Variants in CREB5 observed in about 807,000 individuals in gnomAD.
The protein encoded by CREB5 is cAMP responsive element binding protein 5, also known as cyclic AMP-responsive element-binding protein 5.
CREB5 carries 19 observed loss-of-function variants against 57.1 expected under a neutral mutation model. That is an observed-to-expected ratio of 0.33 (90% CI 0.23 to 0.49). The LOEUF (loss-of-function observed/expected upper bound fraction) is 0.49, where lower values mean the gene tolerates loss of function less well. CREB5 is among the 20% of genes least tolerant of loss of function. The pLI is 0.99. For missense variants in CREB5, 579 were observed against 671.6 expected, an observed-to-expected ratio of 0.86 and a Z score of 1.52; for synonymous variants, 238 against 238.3, an observed-to-expected ratio of 1.00 and a Z score of 0.01.
chr7:28,560,961 CGTGT>C (rs1255407006), intron 4 of CREB5, among the ~76,000 whole-genome samples: 1,863 of 23,808 alleles, frequency 0.078, 378 homozygotes, highest in African/African-American at 0.22. Context: ...CGTGTGTGTG[CGTGT>C]GTGTGTGCGT....
At chr7:28,579,980 G>GT (rs1190217013) in intron 5 of CREB5, among the ~76,000 whole-genome samples, 5 of 152,128 alleles carry the variant, frequency 3.3e-5, no homozygotes, top group Non-Finnish European at 5.9e-5. Context: ...GAGATAAGCA[G>GT]TAAGGTACTA....
intron 7 of CREB5, among the ~76,000 whole-genome samples, chr7:28,730,684 G>A (rs1803567795): frequency 6.6e-6 from 1 of 152,132 alleles, no homozygotes; most frequent in Non-Finnish European, 1.5e-5. Flanking sequence ...TTTACAAATT[G>A]CAAACTGCTT....
chr7:28,407,096 T>C (rs371393779), intron 1 of CREB5, among the ~76,000 whole-genome samples: 10 of 152,040 alleles, frequency 6.6e-5, no homozygotes, highest in African/African-American at 9.7e-5. Context: ...GTCACCCAGG[T>C]TGGAGTGCAA....
chr7:28,448,513 C>T (rs1030344046), intron 1 of CREB5, among the ~76,000 whole-genome samples: 1 of 152,166 alleles, frequency 6.6e-6, no homozygotes, highest in African/African-American at 2.4e-5. Context: ...GCCCAGGAAC[C>T]TTTAGTGTTA....
intron 1 of CREB5, among the ~76,000 whole-genome samples, chr7:28,316,283 C>T (rs936740759): frequency 6.6e-6 from 1 of 152,074 alleles, no homozygotes; most frequent in Non-Finnish European, 1.5e-5. Flanking sequence ...TTTCAGACAT[C>T]TGCCTGGAGC....
intron 4 of CREB5, among the ~76,000 whole-genome samples, chr7:28,560,855 T>TGCGTGCGCGCGCGTGC (rs1554344299): frequency 1.8e-5 from 1 of 56,388 alleles, no homozygotes; most frequent in Non-Finnish European, 3.5e-5. Flanking sequence ...CGCGTGTGTG[T>TGCGTGCGCGCGCGTGC]GTGCGTGTGC....
chr7:28,300,326 G>A (rs41527549), intron 1 of CREB5, among the ~76,000 whole-genome samples: 10,127 of 152,178 alleles, frequency 0.067, 472 homozygotes, highest in Middle Eastern at 0.11. Flanking sequence ...CAACATTCAG[G>A]AGTTTTGATT....
At chr7:28,781,980 G>A (rs1807010091) in intron 7 of CREB5, among the ~76,000 whole-genome samples, 2 of 131,954 alleles carry the variant, frequency 1.5e-5, no homozygotes, top group African/African-American at 5.8e-5. Flanking sequence ...TGCACAGGTT[G>A]GTCTCAAACT....
At chr7:28,394,839 G>T (rs1361639007) in intron 1 of CREB5, among the ~76,000 whole-genome samples, 2 of 151,964 alleles carry the variant, frequency 1.3e-5, no homozygotes, top group Admixed American at 1.3e-4. Context: ...TCTAACCATT[G>T]CATTTTATTG....
At chr7:28,505,046 C>T (rs550126445) in intron 3 of CREB5, among the ~76,000 whole-genome samples, 2 of 152,276 alleles carry the variant, frequency 1.3e-5, no homozygotes, top group Admixed American at 6.5e-5. Flanking sequence ...TTAGGAATTA[C>T]CCCATCAGTC....
At chr7:28,409,969 C>A (rs1367471068), upstream of CREB5, 2 of 454,876 alleles carry the variant, frequency 4.4e-6, no homozygotes, top group Admixed American at 2.4e-5. This position sits in a 1 kb window ranked among gnomAD's most constrained non-coding sequence, Gnocchi z 4.4. Context: ...GGAACCTCCC[C>A]CCGCGTCCCC....
At chr7:28,372,146 C>T (rs577914656) in intron 1 of CREB5, among the ~76,000 whole-genome samples, 181 of 152,244 alleles carry the variant, frequency 1.2e-3, no homozygotes, top group Non-Finnish European at 1.8e-3. Flanking sequence ...TTAATTCTCA[C>T]GGCAACTCTC....
rs1554344374 is a variant in CREB5, at chr7:28,560,881, T to TGTGTGTGTGCGCGTGTGCGTGCGTGC, written c.292-9483_292-9482insTGTGTGTGCGCGTGTGCGTGCGTGCG. On this transcript the variant is annotated intron_variant, in intron 4 of 10. Coordinates refer to ENST00000357727, the MANE Select transcript of CREB5 (RefSeq NM_182898.4). Reference sequence around the variant, plus strand: ...GTGCGTGTGCCTGCGTGCGCGTGCGTGCGTGCGTGTGTGTGCGTGCGCGCG... The same window carrying TGTGTGTGTGCGCGTGTGCGTGCGTGC: ...GTGCGTGTGCCTGCGTGCGCGTGCGTGTGTGTGTGCGCGTGTGCGTGCGTGCGCGTGCGTGTGTGTGCGTGCGCGCG... Among the ~76,000 whole-genome samples the TGTGTGTGTGCGCGTGTGCGTGCGTGC allele has an allele frequency of 4.3e-4, 20 of 46,238 alleles. 1 individual carries two copies. Among genetic ancestry groups the TGTGTGTGTGCGCGTGTGCGTGCGTGC allele is most frequent in the African/African-American group, 6.4e-4 (6 of 9,362 alleles). 30.3% of individuals were successfully genotyped at this position (46,238 alleles called of 152,430 possible). A position where few individuals can be genotyped will look rare whatever the true frequency, so the allele number is the denominator to read the frequency against.
chr7:28,741,260 A>T (rs1415098638), intron 7 of CREB5, among the ~76,000 whole-genome samples: 1 of 152,168 alleles, frequency 6.6e-6, no homozygotes, highest in Non-Finnish European at 1.5e-5. Context: ...AATGTCAGAG[A>T]TGGTTACTTT....
At chr7:28,537,982 GA>G (rs1318950534) in intron 4 of CREB5, among the ~76,000 whole-genome samples, 4 of 152,130 alleles carry the variant, frequency 2.6e-5, no homozygotes, top group African/African-American at 7.2e-5. Flanking sequence ...AACACTGGGG[GA>G]AAAAATCTGT....
At position 28,314,756 on chromosome 7, in the gene CREB5, C is replaced by T. The variant is rs368282559; in HGVS notation, c.-25+15315C>T. ...GGTCCCCAGTGTCTCTTTACTGAGACGCTTTACTGAGACAGTTCTTCCCCA... is the reference window on the plus strand; with the variant it reads ...GGTCCCCAGTGTCTCTTTACTGAGATGCTTTACTGAGACAGTTCTTCCCCA... On this transcript the variant is annotated intron_variant, in intron 1 of 9. Coordinates refer to the CREB5 transcript ENST00000396299. 6.6e-5 allele frequency among the ~76,000 whole-genome samples: 10 copies of T among 152,284 alleles called. No homozygotes were observed. The South Asian group carries it at 8.3e-4, about 13-fold the overall frequency.
At chr7:28,357,818 C>G (rs970146786) in intron 1 of CREB5, among the ~76,000 whole-genome samples, 2 of 152,082 alleles carry the variant, frequency 1.3e-5, no homozygotes, top group East Asian at 1.9e-4. Flanking sequence ...CAAGTCAGAG[C>G]TTTTATTAAG....
intron 4 of CREB5, among the ~76,000 whole-genome samples, chr7:28,527,016 G>A (rs936792356): frequency 6.6e-6 from 1 of 152,176 alleles, no homozygotes; most frequent in African/African-American, 2.4e-5. Flanking sequence ...AACCAAGGGT[G>A]GGTGGCAGAA....
intron 5 of CREB5, among the ~76,000 whole-genome samples, chr7:28,633,976 G>A (rs1583453239): frequency 6.6e-6 from 1 of 152,286 alleles, no homozygotes; most frequent in Admixed American, 6.5e-5. Flanking sequence ...GAAAATCAAT[G>A]TGTCTGAAAC....
Sources: gnomAD v4.1 joint callset for allele counts (sites outside exome capture counted in the v4.1 genomes callset) on GRCh38, gnomAD v4.1.1 for gene constraint, Gnocchi (gnomAD v3.1) non-coding constraint, MANE v1.5 for transcripts, NCBI Gene and HGNC (gene_info 2026-07-23, HGNC 2026-07-21) for gene names.